Variants in AKAP9 observed in about 807,000 individuals in gnomAD.
The protein encoded by AKAP9 is A-kinase anchoring protein 9.
Under a neutral mutation model 488.5 loss-of-function variants are expected in AKAP9, and 311 were observed. The observed-to-expected ratio is 0.64, with a 90% CI of 0.58 to 0.70. The LOEUF (loss-of-function observed/expected upper bound fraction) is 0.70, where lower values mean the gene tolerates loss of function less well. Ranked by LOEUF, AKAP9 falls within the 30% of genes least tolerant of loss-of-function variation. AKAP9 has a pLI of 0.00. For synonymous variants in AKAP9, 1,462 were observed against 1,483.5 expected (o/e 0.99, Z 0.33); for missense variants, 4,215 against 4,374.5 (o/e 0.96, Z 1.03).
intron 45 of AKAP9, 37 bp from the exon 46 acceptor site, chr7:92,102,557 C>A: frequency 6.3e-7 from 1 of 1,585,998 alleles, no homozygotes; most frequent in South Asian, 1.1e-5. Context: ...TGAATGTTTT[C>A]TTAATGTCTT....
Position 91,941,055 on chromosome 7 carries a change from A to G in AKAP9, c.-45A>G. 2 of 1,583,570 alleles carry G rather than the reference A, an allele frequency of 1.3e-6. No homozygotes were observed. The highest frequency in any genetic ancestry group is 1.7e-6 in the Non-Finnish European group (2 of 1,152,318). On this transcript the variant is annotated 5_prime_UTR_variant, in exon 1 of 50. Coordinates refer to ENST00000356239, the MANE Select transcript of AKAP9 (RefSeq NM_005751.5). ...AATCGACCTTTCCTTTCTATCCCCA[A>G]CCACCCCTCAACCCCTGTTTTCCCC...
chr7:92,063,388 C>G, intron 24 of AKAP9: 1 of 850,980 alleles, frequency 1.2e-6, no homozygotes, highest in Non-Finnish European at 1.4e-6. Flanking sequence ...TGCATTATCC[C>G]ATTTTAGGAA....
intron 18 of AKAP9, chr7:92,041,731 C>A (rs1806147392): frequency 1.1e-5 from 3 of 269,388 alleles, no homozygotes; most frequent in Admixed American, 5.0e-5. Context: ...GAGCATAAAA[C>A]ATTATTTGGA....
chr7:92,013,566 A>G (rs969866285), intron 9 of AKAP9, among the ~76,000 whole-genome samples: 3 of 152,186 alleles, frequency 2.0e-5, no homozygotes, highest in African/African-American at 7.2e-5. Flanking sequence ...TGGGGGAGGT[A>G]AGAGTAGTGA....
intron 45 of AKAP9, among the ~76,000 whole-genome samples, chr7:92,102,170 AAAATAAAT>A (rs1554469466): frequency 1.3e-4 from 17 of 135,040 alleles, no homozygotes; most frequent in South Asian, 7.0e-4. Context: ...ATTTAAAAAA[AAAATAAAT>A]AAATAAATAA....
At chr7:92,054,885 C>G (rs1399597046) in intron 22 of AKAP9, among the ~76,000 whole-genome samples, 1 of 151,970 alleles carries the variant, frequency 6.6e-6, no homozygotes, top group Non-Finnish European at 1.5e-5. Flanking sequence ...GAGAGGTAAT[C>G]TCTTTAACAC....
Position 92,083,383 on chromosome 7 carries a change from A to G in AKAP9, c.8374A>G (p.Asn2792Asp), listed in dbSNP as rs1156383005. 1 of 1,614,048 alleles carries G rather than the reference A, an allele frequency of 6.2e-7. No homozygotes were observed. The highest frequency in any genetic ancestry group is 1.7e-5 in the Admixed American group (1 of 60,022). The change falls in exon 33 of 50, where the codon AAT (asparagine) becomes GAT (aspartate). Residue 2792 changes from asparagine to aspartate, a missense_variant. Asn to Asp is a conservative substitution (Grantham distance 23). Transcript: ENST00000356239. ...TGGGACTCTGAAGATCAGTAGCAGC[A>G]ATCAGACTCCACAAATTCTTGTTAA... ...TDGTLKISSS[N>D]QTPQILVKNA... is the part of the protein sequence containing the mutation.
chr7:92,105,993 A>G (rs1367103957), intron 47 of AKAP9, among the ~76,000 whole-genome samples: 2 of 152,234 alleles, frequency 1.3e-5, no homozygotes, highest in African/African-American at 4.8e-5. Flanking sequence ...TGAGGAATCT[A>G]GGTTGTGTGC....
intron 37 of AKAP9, among the ~76,000 whole-genome samples, chr7:92,088,549 A>G (rs1814997477): frequency 1.3e-5 from 2 of 152,230 alleles, no homozygotes; most frequent in South Asian, 4.1e-4. Context: ...AACCACTTGT[A>G]TGCTATATAA....
Position 91,973,792 on chromosome 7 carries a change from A to G in AKAP9, c.130A>G (p.Ser44Gly). The G allele has an allele frequency of 1.2e-6, 2 of 1,614,162 alleles. No individual in the cohort carries two copies. The highest frequency in any genetic ancestry group is 1.7e-6 in the Non-Finnish European group (2 of 1,180,024). The change falls in exon 2 of 50, where the codon AGC becomes GGC. Residue 44 changes from serine to glycine, a missense_variant. By Grantham distance (56) the Ser-to-Gly change is moderately conservative (BLOSUM62 0). Around this residue, in one of 5 missense-constraint regions of AKAP9, gnomAD observed 2,361 missense variants for 2,430.0 expected, o/e 0.97. Coordinates refer to ENST00000356239, the MANE Select transcript of AKAP9 (RefSeq NM_005751.5). ...KKQKKKRKTS[S>G]SKHDVSAHHD... ...GCAGAAAAAAAAGAGAAAAACGTCA[A>G]GCAGTAAACATGATGTGTCAGCACA...
intron 1 of AKAP9, among the ~76,000 whole-genome samples, chr7:91,947,853 A>G (rs1041831766): frequency 2.0e-5 from 3 of 152,170 alleles, no homozygotes; most frequent in Non-Finnish European, 4.4e-5. Flanking sequence ...TGAACTTAAC[A>G]CAGTGGCTTA....
Position 92,002,522 on chromosome 7 carries a change from G to T in AKAP9, c.2605G>T (p.Ala869Ser). ...CTATCAAGAGTTACAAGAGGAGTAT[G>T]CTTGCCTTCTCAAAGTAAAAGATGA... ...VNYQELQEEY[A>S]CLLKVKDDLE... Residue 869 changes from alanine (A) to serine (S), a missense_variant, in exon 8 of 50, where the codon GCT (alanine) becomes TCT (serine). Transcript: ENST00000356239. The T allele has an allele frequency of 6.2e-7, 1 of 1,610,638 alleles. No individual in the cohort carries two copies. Among genetic ancestry groups the T allele is most frequent in the Middle Eastern group, 1.7e-4 (1 of 6,042 alleles).
chr7:92,038,793 A>T (rs762503055), intron 17 of AKAP9, 21 bp downstream of exon 17: 1 of 1,511,090 alleles, frequency 6.6e-7, no homozygotes, highest in East Asian at 2.3e-5. Flanking sequence ...CTCCTTGAAT[A>T]TAAAAAACTT....
At position 92,102,712 on chromosome 7, in the gene AKAP9, TGCTTGCCCGGATGGGGGGGCAGCCA is replaced by T; in HGVS notation, c.11221_11245del (p.Ala3741SerfsTer4). On this transcript the variant is annotated frameshift_variant, in exon 46 of 50. Coordinates refer to ENST00000356239, the MANE Select transcript of AKAP9 (RefSeq NM_005751.5). LOFTEE classifies it high-confidence loss of function. Reference sequence around the variant, plus strand: ...GAATGTGAAGATGCCACCTTGGCCCTGCTTGCCCGGATGGGGGGGCAGCCAGCTTTCACGGATCTAGAGGTGATCA... The same window carrying T: ...GAATGTGAAGATGCCACCTTGGCCCTGCTTTCACGGATCTAGAGGTGATCA... 1 of 1,614,234 alleles carries T rather than the reference TGCTTGCCCGGATGGGGGGGCAGCCA, an allele frequency of 6.2e-7. No homozygotes were observed. The highest frequency in any genetic ancestry group is 8.5e-7 in the Non-Finnish European group (1 of 1,180,026).
rs1330406493 is a variant in AKAP9, at chr7:92,016,087, A to G, written c.3613-42A>G. On this transcript the variant is annotated intron_variant, in intron 10 of 49. Transcript: ENST00000356239. Reference sequence around the variant, plus strand: ...TGTTTAATCTTTAGAAGCAGAAATCAAAATTTAAATTCCTTAAAATACACA... The same window carrying G: ...TGTTTAATCTTTAGAAGCAGAAATCGAAATTTAAATTCCTTAAAATACACA... The G allele has an allele frequency of 2.6e-6, 4 of 1,539,528 alleles. No individual in the cohort carries two copies. In the South Asian group the frequency reaches 3.4e-5, roughly 13 times the overall value.
intron 31 of AKAP9, among the ~76,000 whole-genome samples, chr7:92,080,554 C>T (rs368798963): frequency 3.3e-5 from 5 of 151,122 alleles, no homozygotes; most frequent in South Asian, 4.2e-4. Context: ...GCCAAGATCG[C>T]GCCACTGCAC....
intron 23 of AKAP9, among the ~76,000 whole-genome samples, chr7:92,061,763 T>C (rs1809888830): frequency 6.6e-6 from 1 of 151,728 alleles, no homozygotes. Context: ...AGCGAAAAGA[T>C]GTTATTAAAT....
chr7:92,107,235 T>C (rs1028784653), intron 47 of AKAP9, 58 bp from the exon 48 acceptor site: 4 of 1,581,016 alleles, frequency 2.5e-6, no homozygotes, highest in Non-Finnish European at 2.6e-6. Context: ...TTTGTAGAAA[T>C]TTTTTAAGGT....
intron 7 of AKAP9, among the ~76,000 whole-genome samples, chr7:91,999,854 G>GTTCA (rs34314890): frequency 0.41 from 61,512 of 151,248 alleles, 12,926 homozygotes; most frequent in African/African-American, 0.48. Flanking sequence ...CTTTAGTTAT[G>GTTCA]TTCATTCATT....
Sources: allele counts gnomAD v4.1 joint callset (sites outside exome capture counted in the v4.1 genomes callset), GRCh38; gene constraint gnomAD v4.1.1; regional missense constraint gnomAD v4.1.1; transcripts MANE v1.5; gene names NCBI Gene and HGNC (gene_info 2026-07-23, HGNC 2026-07-21).